The following CPLX4 variants were observed in gnomAD, a reference collection of about 807,000 sequenced individuals.
CPLX4 encodes the protein complexin-4.
In CPLX4, 17 loss-of-function variants were observed where a neutral mutation model predicts 16.1. The observed-to-expected ratio is 1.06, with a 90% CI of 0.72 to 1.59. The LOEUF (loss-of-function observed/expected upper bound fraction) is 1.59, where lower values mean the gene tolerates loss of function less well. CPLX4 is among the 40% of genes most tolerant of loss of function. CPLX4 has a pLI of 0.00. For synonymous variants in CPLX4, 55 were observed against 57.8 expected (o/e 0.95, Z 0.22); for missense variants, 193 against 192.9 (o/e 1.00, Z 0.00).
intron 1 of CPLX4, among the ~76,000 whole-genome samples, chr18:59,315,963 C>G (rs571034041): frequency 2.4e-4 from 37 of 152,282 alleles, no homozygotes; most frequent in African/African-American, 8.4e-4. Context: ...GCTAGTCTCC[C>G]CCCACCAAGT....
chr18:59,303,913 C>A (rs910691026), intron 2 of CPLX4, among the ~76,000 whole-genome samples: 1 of 152,204 alleles, frequency 6.6e-6, no homozygotes, highest in Non-Finnish European at 1.5e-5. Flanking sequence ...GCCTTCCCAC[C>A]GCCTGGCCAC....
At chr18:59,316,054 C>T (rs1334466231) in intron 1 of CPLX4, among the ~76,000 whole-genome samples, 1 of 152,122 alleles carries the variant, frequency 6.6e-6, no homozygotes, top group Non-Finnish European at 1.5e-5. Context: ...TACTAGGGGT[C>T]CAAACAATTA....
chr18:59,314,505 T>C (rs1184572861), intron 1 of CPLX4, among the ~76,000 whole-genome samples: 1 of 152,206 alleles, frequency 6.6e-6, no homozygotes, highest in Non-Finnish European at 1.5e-5. Context: ...CTTTTCTTCT[T>C]GTGAAGCAAA....
intron 1 of CPLX4, 80 bp downstream of exon 1, chr18:59,318,216 A>G (rs1210258677): frequency 9.5e-6 from 14 of 1,466,584 alleles, no homozygotes; most frequent in South Asian, 3.3e-5. Flanking sequence ...GCAAAGAGAA[A>G]TAAACTGGAG....
At chr18:59,316,681 G>T (rs958863463) in intron 1 of CPLX4, among the ~76,000 whole-genome samples, 3 of 152,096 alleles carry the variant, frequency 2.0e-5, no homozygotes, top group African/African-American at 7.2e-5. Flanking sequence ...TGACAACTCA[G>T]TCTGCTGATT....
chr18:59,317,654 G>T (rs898078543), intron 1 of CPLX4, among the ~76,000 whole-genome samples: 5 of 152,048 alleles, frequency 3.3e-5, no homozygotes, highest in African/African-American at 1.2e-4. Flanking sequence ...AGCAAATGTA[G>T]CAAACTGTAA....
intron 1 of CPLX4, 31 bp from the exon 2 acceptor site, chr18:59,312,803 A>G (rs199848677): frequency 3.1e-6 from 3 of 960,012 alleles, no homozygotes; most frequent in East Asian, 2.4e-5. Flanking sequence ...GATCAGAAGG[A>G]TACAGAGAGC....
At chr18:59,312,149 G>A (rs755215146) in intron 2 of CPLX4, among the ~76,000 whole-genome samples, 6 of 152,050 alleles carry the variant, frequency 3.9e-5, no homozygotes, top group Admixed American at 1.3e-4. Context: ...ACTGTACCTG[G>A]TACCTAGAAA....
intron 2 of CPLX4, among the ~76,000 whole-genome samples, chr18:59,297,555 C>T (rs982327237): frequency 6.6e-6 from 1 of 152,128 alleles, no homozygotes; most frequent in Non-Finnish European, 1.5e-5. Flanking sequence ...GCTGAAATTA[C>T]AGGTGTGAGC....
rs187064080 is a variant in CPLX4, at chr18:59,302,066, G to T, written c.256-5141C>A. On this transcript the variant is annotated intron_variant, in intron 2 of 2. Coordinates refer to ENST00000299721, the MANE Select transcript of CPLX4 (RefSeq NM_181654.4). ...GTGAAAGAGACGGTGGGAGAGTATC[G>T]GCCCTTAAGAGAAAGATCCGGGACA... 3.9e-5 allele frequency among the ~76,000 whole-genome samples: 6 copies of T among 152,234 alleles called. No homozygotes were observed. The East Asian group carries it at 1.2e-3, about 29-fold the overall frequency.
chr18:59,301,197 C>T (rs1269200934), intron 2 of CPLX4, among the ~76,000 whole-genome samples: 7 of 152,346 alleles, frequency 4.6e-5, no homozygotes, highest in Admixed American at 6.5e-5. Context: ...TTAGGCAGGG[C>T]GTTTGGGGTC....
intron 2 of CPLX4, among the ~76,000 whole-genome samples, chr18:59,307,467 T>C (rs905039669): frequency 2.0e-5 from 3 of 152,198 alleles, no homozygotes; most frequent in African/African-American, 7.2e-5. Flanking sequence ...AGGGGACTTA[T>C]AAGGACTTGG....
Position 59,316,160 on chromosome 18 carries a change from A to C in CPLX4, c.167+2136T>G, listed in dbSNP as rs1463187023. Among the ~76,000 whole-genome samples the C allele has an allele frequency of 2.6e-5, 4 of 152,222 alleles. No individual in the cohort carries two copies. The South Asian group carries it at 8.3e-4, about 31-fold the overall frequency. On this transcript the variant is annotated intron_variant, in intron 1 of 2. Transcript: ENST00000299721. The stretch of plus-strand genomic sequence containing the variant: ...AAGAAGCATTTTAATATAATTGAGA[A>C]AATGGCGGGAGAAACAGACTATTGT...
rs200257615 is a variant in CPLX4, at chr18:59,312,785, G to T, written c.168-13C>A. 8.1e-6 allele frequency: 9 copies of T among 1,113,592 alleles called. No homozygotes were observed. The East Asian group carries it at 1.9e-4, about 23-fold the overall frequency. 69.0% of individuals were successfully genotyped at this position (1,113,592 alleles called of 1,614,324 possible). A position where few individuals can be genotyped will look rare whatever the true frequency, so the allele number is the denominator to read the frequency against. On this transcript the variant is annotated splice_polypyrimidine_tract_variant and intron_variant, in intron 1 of 2. Coordinates refer to ENST00000299721, the MANE Select transcript of CPLX4 (RefSeq NM_181654.4). ...ATCTCTTTCCATCCTAAAAGTTAAA[G>T]AATAAAGGATCAGAAGGATACAGAG...
intron 1 of CPLX4, among the ~76,000 whole-genome samples, chr18:59,316,872 G>A (rs1250067230): frequency 6.6e-6 from 1 of 152,072 alleles, no homozygotes; most frequent in Non-Finnish European, 1.5e-5. Flanking sequence ...TAGCCTACTT[G>A]ATCTGAGAAT....
At chr18:59,316,589 A>G (rs1205601077) in intron 1 of CPLX4, among the ~76,000 whole-genome samples, 1 of 152,174 alleles carries the variant, frequency 6.6e-6, no homozygotes, top group African/African-American at 2.4e-5. Flanking sequence ...CAAATGCTCC[A>G]TTGTCCTGAC....
At chr18:59,298,218 T>C (rs1408595983) in intron 2 of CPLX4, among the ~76,000 whole-genome samples, 1 of 152,122 alleles carries the variant, frequency 6.6e-6, no homozygotes, top group East Asian at 1.9e-4. Context: ...GCCTTCCAAG[T>C]AGCTGGGACT....
chr18:59,296,523 T>C lies in CPLX4; in HGVS notation c.*175A>G. The C allele has an allele frequency of 1.5e-6, 1 of 677,446 alleles. No homozygotes were observed. The highest frequency in any genetic ancestry group is 1.8e-5 in the South Asian group (1 of 54,906). The allele number at this position is 677,446 out of a possible 1,614,324, so 42.0% of individuals were successfully genotyped here. On this transcript the variant is annotated 3_prime_UTR_variant, in exon 3 of 3. Coordinates refer to ENST00000299721, the MANE Select transcript of CPLX4 (RefSeq NM_181654.4). ...AAGTAAGGTTCCCGCTGCAAGGTGT[T>C]AGCTAAATGCTCTGCCAGGAATATT...
intron 2 of CPLX4, among the ~76,000 whole-genome samples, chr18:59,298,045 T>C (rs2070513787): frequency 6.6e-6 from 1 of 152,164 alleles, no homozygotes; most frequent in Admixed American, 6.5e-5. Context: ...TAGGAGTGTC[T>C]GTTCTAGAAT....
Sources: allele counts gnomAD v4.1 joint callset (sites outside exome capture counted in the v4.1 genomes callset), GRCh38; gene constraint gnomAD v4.1.1; transcripts MANE v1.5; gene names NCBI Gene and HGNC (gene_info 2026-07-23, HGNC 2026-07-21).